PATZ1: variants seen among roughly 807,000 people sequenced by gnomAD.
The protein encoded by PATZ1 is POZ/BTB and AT hook containing zinc finger 1, also known as POZ-, AT hook-, and zinc finger-containing protein 1.
PATZ1 carries 9 observed loss-of-function variants against 46.2 expected under a neutral mutation model. The ratio of observed to expected loss-of-function variants is 0.19; its 90% CI spans 0.12 to 0.34. The LOEUF is 0.34. Among genes scored for constraint, PATZ1 ranks in the 10% least tolerant of loss-of-function variants. PATZ1 has a pLI of 1.00. For missense variants in PATZ1, 632 were observed against 923.0 expected (o/e 0.68, Z 4.08); for synonymous variants, 426 against 378.6 (o/e 1.13, Z -1.45).
At chr22:31,335,461 G>C in intron 3 of PATZ1, 1 of 512,444 alleles carries the variant, frequency 2.0e-6, no homozygotes, top group Non-Finnish European at 3.5e-6. Context: ...CTCTCCTTCT[G>C]TTTTGACCTG....
At chr22:31,340,062 G>A (rs1256067134) in intron 2 of PATZ1, among the ~76,000 whole-genome samples, 1 of 152,114 alleles carries the variant, frequency 6.6e-6, no homozygotes, top group African/African-American at 2.4e-5. Context: ...TGGAGCCCGT[G>A]GAAGCTAGGG....
At chr22:31,336,067 T>G (rs2049505341) in intron 2 of PATZ1, among the ~76,000 whole-genome samples, 1 of 152,150 alleles carries the variant, frequency 6.6e-6, no homozygotes, top group Non-Finnish European at 1.5e-5. Flanking sequence ...TACGGGACAC[T>G]TGAGTGGGAA....
Position 31,335,705 on chromosome 22 carries a change from A to G in PATZ1, c.1494T>C (p.Ser498=). Residue 498 remains serine, a synonymous_variant, in exon 3 of 5, where the codon AGT becomes AGC. Transcript: ENST00000266269. ...TGGGCAGATTACCTCGGTTACAGAT[A>G]CTGCAGAAGTTGCTGGGCCCCTCGC... ...KHSEGPSNFC[S]ICNRGFSSAS... is the part of the protein sequence containing the mutation. The G allele has an allele frequency of 6.2e-7, 1 of 1,613,998 alleles. No homozygotes were observed. The highest frequency in any genetic ancestry group is 1.3e-5 in the African/African-American group (1 of 75,038).
rs2049500881 is a variant in PATZ1, at chr22:31,335,728, C to T, written c.1471G>A (p.Glu491Lys). ...YMADHLKKHSEGPSNFCSICN... is the reference protein window; with the variant it reads ...YMADHLKKHSKGPSNFCSICN... ...ATACTGCAGAAGTTGCTGGGCCCCT[C>T]GCTGTGCTTCTTCAGGTGGTCTGCC... is the stretch of plus-strand genomic sequence containing the variant. The change falls in exon 3 of 5, where the codon GAG becomes AAG. Residue 491 changes from glutamate (E) to lysine (K), a missense_variant. Glu to Lys is a moderately conservative substitution (Grantham distance 56). Transcript: ENST00000266269. 2 of 1,614,124 alleles carry T rather than the reference C, an allele frequency of 1.2e-6. No individual in the cohort carries two copies. The highest frequency in any genetic ancestry group is 1.1e-5 in the South Asian group (1 of 91,076).
chr22:31,344,160 TCTCAGG>T (rs1046742949), intron 1 of PATZ1, among the ~76,000 whole-genome samples, 166 bp downstream of exon 1: 2 of 152,084 alleles, frequency 1.3e-5, no homozygotes, highest in Non-Finnish European at 2.9e-5. Flanking sequence ...GGAAAGCAGG[TCTCAGG>T]CATACCATCT....
chr22:31,335,973 C>A, intron 2 of PATZ1, 110 bp from the exon 3 acceptor site: 1 of 958,286 alleles, frequency 1.0e-6, no homozygotes, highest in Non-Finnish European at 1.6e-6. Context: ...CATGACCTCC[C>A]TTTATAAAGA....
At chr22:31,340,223 C>A (rs1210333806) in intron 2 of PATZ1, among the ~76,000 whole-genome samples, 1 of 152,242 alleles carries the variant, frequency 6.6e-6, no homozygotes, top group Non-Finnish European at 1.5e-5. Flanking sequence ...ATGCCACTGT[C>A]AAGCCTGAGG....
In PATZ1 at chr22:31,335,719, T is replaced by C. The variant is rs1257859719; in HGVS notation, c.1480A>G (p.Ser494Gly). Residue 494 changes from serine to glycine, a missense_variant, in exon 3 of 5, where the codon AGC (serine) becomes GGC (glycine). By Grantham distance (56) the Ser-to-Gly change is moderately conservative. This residue lies in a region of PATZ1 where 176 missense variants were observed against 249.4 expected (regional missense o/e 0.71). Coordinates refer to ENST00000266269, the MANE Select transcript of PATZ1 (RefSeq NM_014323.3). ...CGGTTACAGATACTGCAGAAGTTGC[T>C]GGGCCCCTCGCTGTGCTTCTTCAGG... Reference protein sequence around the residue: ...DHLKKHSEGPSNFCSICNRGF... With the variant: ...DHLKKHSEGPGNFCSICNRGF... The C allele has an allele frequency of 6.2e-7, 1 of 1,614,102 alleles. No individual in the cohort carries two copies. The highest frequency in any genetic ancestry group is 1.1e-5 in the South Asian group (1 of 91,070).
At position 31,327,353 on chromosome 22, in the gene PATZ1, G is replaced by A; in HGVS notation, c.1646-44C>T. On this transcript the variant is annotated intron_variant, in intron 4 of 4. Transcript: ENST00000266269. This position sits in a 1 kb window ranked among gnomAD's most constrained non-coding sequence, Gnocchi z 4.2. The stretch of plus-strand genomic sequence containing the variant: ...TAGGAGAGCGATGAGGCCAGGCTCT[G>A]GAGATGCCCCCTCCTGGAGGGGTCA... 6.5e-7 allele frequency: 1 copy of A among 1,533,102 alleles called. No homozygotes were observed. Among genetic ancestry groups the A allele is most frequent in the Non-Finnish European group, 8.9e-7 (1 of 1,121,404 alleles). The allele number at this position is 1,533,102 out of a possible 1,614,324, so 95.0% of individuals were successfully genotyped here.
At chr22:31,329,887 T>G (rs2049417133) in intron 3 of PATZ1, among the ~76,000 whole-genome samples, 1 of 152,198 alleles carries the variant, frequency 6.6e-6, no homozygotes, top group African/African-American at 2.4e-5. Flanking sequence ...CCCACTGTAG[T>G]CAAGGATCAG....
intron 1 of PATZ1, chr22:31,343,380 C>A (rs1452171763): frequency 1.0e-6 from 1 of 988,068 alleles, no homozygotes; most frequent in South Asian, 4.6e-5. Flanking sequence ...TCTCCCGCCA[C>A]GGGCAGCCAA....
At chr22:31,338,884 TAAAAATACAA>T (rs1308496687) in intron 2 of PATZ1, among the ~76,000 whole-genome samples, 1 of 152,106 alleles carries the variant, frequency 6.6e-6, no homozygotes, top group Middle Eastern at 3.2e-3. Flanking sequence ...CCGTCTCTAC[TAAAAATACAA>T]AAAAATTAGC....
rs149897005 is a variant in PATZ1, at chr22:31,333,277, C to G, written c.1507+2415G>C. On this transcript the variant is annotated intron_variant, in intron 3 of 4. Coordinates refer to ENST00000266269, the MANE Select transcript of PATZ1 (RefSeq NM_014323.3). Reference sequence around the variant, plus strand: ...AAGGATCTGAGGGCACCTGGAAGTTCACCTGATTCAATCTTAACTGTTCTG... The same window carrying G: ...AAGGATCTGAGGGCACCTGGAAGTTGACCTGATTCAATCTTAACTGTTCTG... Among the ~76,000 whole-genome samples, 7 of 152,304 alleles carry G rather than the reference C, an allele frequency of 4.6e-5. No homozygotes were observed. The East Asian group carries it at 9.6e-4, about 21-fold the overall frequency.
chr22:31,331,435 G>A (rs2049441257), intron 3 of PATZ1, among the ~76,000 whole-genome samples: 1 of 151,754 alleles, frequency 6.6e-6, no homozygotes, highest in Non-Finnish European at 1.5e-5. Flanking sequence ...CGCCTCCAGG[G>A]TTCATGCCAT....
intron 2 of PATZ1, chr22:31,340,592 C>T (rs80180094): frequency 0.022 from 16,118 of 722,820 alleles, 218 homozygotes; most frequent in Non-Finnish European, 0.026. Flanking sequence ...TTGGGAGGGG[C>T]AGGGCAGGAG....
chr22:31,326,375 C>T lies in PATZ1; in HGVS notation c.*516G>A, dbSNP rs1029962397. The stretch of plus-strand genomic sequence containing the variant: ...GCTCAGGGGGCTCTTGGAGGACACT[C>T]ACCCCATGGTCCATGGGATGCTTCT... On this transcript the variant is annotated 3_prime_UTR_variant, in exon 5 of 5. Coordinates refer to ENST00000266269, the MANE Select transcript of PATZ1 (RefSeq NM_014323.3). The T allele has an allele frequency of 3.5e-5, 8 of 231,560 alleles. No individual in the cohort carries two copies. Among genetic ancestry groups the T allele is most frequent in the Non-Finnish European group, 6.8e-5 (8 of 117,244 alleles). The allele number at this position is 231,560 out of a possible 1,614,324, so 14.3% of individuals were successfully genotyped here.
rs1266722375 is a variant in PATZ1 at position 31,344,340 on chromosome 22, G to A, written c.1263C>T (p.Gly421=). The change falls in exon 1 of 5, where the codon GGC becomes GGT. Residue 421 remains glycine (G), a synonymous_variant. Transcript: ENST00000266269. ...KPYICQSCGK[G]FSRPDHLNGH... Reference sequence around the variant, plus strand: ...AGGGGGCCTTTCCTCACCTGGAGAAGCCTTTCCCACAGCTCTGGCAGATGT... The same window carrying A: ...AGGGGGCCTTTCCTCACCTGGAGAAACCTTTCCCACAGCTCTGGCAGATGT... 5 of 1,602,984 alleles carry A rather than the reference G, an allele frequency of 3.1e-6. No individual in the cohort carries two copies. Among genetic ancestry groups the A allele is most frequent in the African/African-American group, 1.3e-5 (1 of 74,610 alleles).
Position 31,345,756 on chromosome 22 carries a change from G to T in PATZ1, c.-154C>A. On this transcript the variant is annotated 5_prime_UTR_variant, in exon 1 of 5. Coordinates refer to ENST00000266269, the MANE Select transcript of PATZ1 (RefSeq NM_014323.3). The surrounding 1 kb of genome is among the most constrained non-coding windows in gnomAD (Gnocchi z 7.4). Reference sequence around the variant, plus strand: ...TCTCGCAGGTGCGCCGAGTGTACACGCCCCCAGCCCGGATCAGACTGTCTA... The same window carrying T: ...TCTCGCAGGTGCGCCGAGTGTACACTCCCCCAGCCCGGATCAGACTGTCTA... The T allele has an allele frequency of 2.7e-6, 2 of 729,168 alleles. No individual in the cohort carries two copies. The highest frequency in any genetic ancestry group is 1.9e-5 in the South Asian group (1 of 52,076). 45.2% of individuals were successfully genotyped at this position (729,168 alleles called of 1,614,324 possible).
In PATZ1 at chr22:31,328,284, T is replaced by C. The variant is rs2049392325; in HGVS notation, c.1645+503A>G. On this transcript the variant is annotated intron_variant, in intron 4 of 4. Transcript: ENST00000266269. The surrounding 1 kb of genome is among the most constrained non-coding windows in gnomAD (Gnocchi z 4.8). ...AGATAGCTCATTATTGCCATGCATCTCACAACCATAGCCAGAGGCTCTCCA... is the reference window on the plus strand; with the variant it reads ...AGATAGCTCATTATTGCCATGCATCCCACAACCATAGCCAGAGGCTCTCCA... 6.6e-6 allele frequency among the ~76,000 whole-genome samples: 1 copy of C among 152,134 alleles called. No individual in the cohort carries two copies. The highest frequency in any genetic ancestry group is 2.4e-5 in the African/African-American group (1 of 41,428).
Sources: gnomAD v4.1 joint callset for allele counts (sites outside exome capture counted in the v4.1 genomes callset) on GRCh38, gnomAD v4.1.1 for gene constraint, gnomAD v4.1.1 regional missense constraint, Gnocchi (gnomAD v3.1) non-coding constraint, MANE v1.5 for transcripts, NCBI Gene and HGNC (gene_info 2026-07-23, HGNC 2026-07-21) for gene names.